Variants in COL9A1 observed in about 807,000 individuals in gnomAD.
The protein encoded by COL9A1 is collagen type IX alpha 1 chain, also known as collagen alpha-1(IX) chain.
COL9A1 carries 104 observed loss-of-function variants against 142.6 expected under a neutral mutation model. The ratio of observed to expected loss-of-function variants is 0.73; its 90% CI spans 0.62 to 0.86. The LOEUF (loss-of-function observed/expected upper bound fraction) is 0.86, where lower values mean the gene tolerates loss of function less well. COL9A1 is among the 40% of genes least tolerant of loss of function. The pLI is 0.00. For missense variants in COL9A1, 1,210 were observed against 1,176.6 expected, an observed-to-expected ratio of 1.03 and a Z score of -0.42; for synonymous variants, 466 against 396.0, an observed-to-expected ratio of 1.18 and a Z score of -2.10.
At chr6:70,293,644 CACACA>C (rs1773737746) in intron 5 of COL9A1, among the ~76,000 whole-genome samples, 1 of 146,094 alleles carries the variant, frequency 6.8e-6, no homozygotes, top group African/African-American at 2.7e-5. Context: ...CACACACACA[CACACA>C]CACACACACA....
At chr6:70,274,834 G>T (rs1583312356) in intron 10 of COL9A1, 62 bp from the exon 11 acceptor site, 2 of 1,344,298 alleles carry the variant, frequency 1.5e-6, no homozygotes, top group East Asian at 4.6e-5. Context: ...CCACTAAGTA[G>T]AAAACTTTCA....
chr6:70,258,057 T>C (rs1409610052), intron 20 of COL9A1, among the ~76,000 whole-genome samples: 1 of 152,214 alleles, frequency 6.6e-6, no homozygotes, highest in Non-Finnish European at 1.5e-5. Flanking sequence ...ATAAATCTAA[T>C]TATCTTGAAA....
chr6:70,287,365 A>G (rs1773497351), intron 5 of COL9A1, among the ~76,000 whole-genome samples: 1 of 152,002 alleles, frequency 6.6e-6, no homozygotes, highest in Non-Finnish European at 1.5e-5. Context: ...TTTGCAAAAG[A>G]TAAGGATGGG....
At chr6:70,266,447 A>G (rs557937793) in intron 18 of COL9A1, among the ~76,000 whole-genome samples, 1 of 152,340 alleles carries the variant, frequency 6.6e-6, no homozygotes, top group East Asian at 1.9e-4. Flanking sequence ...GCTGAGTGTG[A>G]TTGATTTGAA....
At chr6:70,256,858 C>G (rs1214365715) in intron 20 of COL9A1, 37 bp from the exon 21 acceptor site, 1 of 1,598,168 alleles carries the variant, frequency 6.3e-7, no homozygotes, top group Non-Finnish European at 8.6e-7. Context: ...AAACTGAGAT[C>G]AGTCATGTAT....
chr6:70,302,204 C>CTTTTTTTTTTTTTTTTTTT (rs202054376), intron 1 of COL9A1, 130 bp from the exon 2 acceptor site: 1 of 288,316 alleles, frequency 3.5e-6, no homozygotes. Context: ...TTTTTCATTT[C>CTTTTTTTTTTTTTTTTTTT]TTTTTTTTTT....
intron 37 of COL9A1, chr6:70,222,860 C>A (rs1261261369): frequency 6.6e-6 from 1 of 151,812 alleles, no homozygotes; most frequent in African/African-American, 2.4e-5. Flanking sequence ...ATTTTTTTAT[C>A]TAGACGGTTC....
Position 70,283,781 on chromosome 6 carries a change from G to A in COL9A1, c.736C>T (p.Arg246Trp), listed in dbSNP as rs138557524. Residue 246 changes from arginine to tryptophan, a missense_variant, in exon 6 of 38, where the codon CGG becomes TGG. By Grantham distance (101) the Arg-to-Trp change is moderately radical. Coordinates refer to ENST00000357250, the MANE Select transcript of COL9A1 (RefSeq NM_001851.6). ...QWMLIHCDPL[R>W]PRRETCHELP... The stretch of plus-strand genomic sequence containing the variant: ...TCATGGCAAGTTTCTCTCCTGGGCC[G>A]CAGGGGGTCACAATGGATCAGCATC... 19 of 1,611,004 alleles carry A rather than the reference G, an allele frequency of 1.2e-5. No individual in the cohort carries two copies. Among genetic ancestry groups the A allele is most frequent in the African/African-American group, 2.7e-5 (2 of 74,862 alleles).
chr6:70,254,482 C>A lies in COL9A1; in HGVS notation c.1713G>T (p.Gly571=), dbSNP rs1488677568. Residue 571 remains glycine, a synonymous_variant, in exon 25 of 38, where the codon GGG becomes GGT. Transcript: ENST00000357250. The part of the protein sequence containing the change: ...PGPPGDAGLQ[G]LPGVPGIPGA... The stretch of plus-strand genomic sequence containing the variant: ...TAAAGAATCAAATACTTACTGGTAA[C>A]CCCTGCAATCCTGCATCACCAGGAG... The A allele has an allele frequency of 7.4e-6, 12 of 1,613,958 alleles. No individual in the cohort carries two copies. Among genetic ancestry groups the A allele is most frequent in the South Asian group, 1.1e-5 (1 of 91,064 alleles).
intron 4 of COL9A1, among the ~76,000 whole-genome samples, chr6:70,299,454 C>T (rs987765559): frequency 6.6e-6 from 1 of 152,140 alleles, no homozygotes; most frequent in Admixed American, 6.5e-5. Flanking sequence ...CAGGACTCAA[C>T]ACTTACACAC....
intron 32 of COL9A1, among the ~76,000 whole-genome samples, 165 bp from the exon 33 acceptor site, chr6:70,239,451 G>T (rs1326863842): frequency 6.6e-6 from 1 of 152,146 alleles, no homozygotes; most frequent in East Asian, 1.9e-4. Flanking sequence ...TCTAATCTCA[G>T]TTCTACTTAA....
chr6:70,236,516 CT>C (rs1769920062), intron 33 of COL9A1, among the ~76,000 whole-genome samples: 1 of 152,188 alleles, frequency 6.6e-6, no homozygotes, highest in African/African-American at 2.4e-5. Flanking sequence ...AATCCTGCTT[CT>C]TTTTCATATG....
intron 36 of COL9A1, among the ~76,000 whole-genome samples, chr6:70,227,903 A>G (rs1229354737): frequency 6.6e-6 from 1 of 152,110 alleles, no homozygotes; most frequent in Non-Finnish European, 1.5e-5. Flanking sequence ...AATATGATTC[A>G]TTTTTAAAAG....
chr6:70,216,804 T>C lies in COL9A1; in HGVS notation c.*93A>G, dbSNP rs1768534263. The C allele has an allele frequency of 1.6e-6, 2 of 1,280,498 alleles. No individual in the cohort carries two copies. The highest frequency in any genetic ancestry group is 4.8e-5 in the East Asian group (2 of 41,942). The allele number at this position is 1,280,498 out of a possible 1,614,324, so 79.3% of individuals were successfully genotyped here. ...TAATACATTGTAATCATGCTGAAGG[T>C]AATCATCTTTGCCCCAGCTTTGGAT... is the stretch of plus-strand genomic sequence containing the variant. On this transcript the variant is annotated 3_prime_UTR_variant, in exon 38 of 38. Coordinates refer to ENST00000357250, the MANE Select transcript of COL9A1 (RefSeq NM_001851.6).
At chr6:70,236,502 AT>A (rs571898079) in intron 33 of COL9A1, among the ~76,000 whole-genome samples, 46 of 152,352 alleles carry the variant, frequency 3.0e-4, no homozygotes, top group African/African-American at 9.1e-4. Flanking sequence ...TTATAAAGCA[AT>A]TTAATCCTGC....
intron 36 of COL9A1, among the ~76,000 whole-genome samples, chr6:70,228,839 G>A (rs545809493): frequency 2.0e-5 from 3 of 151,860 alleles, no homozygotes; most frequent in African/African-American, 7.3e-5. Context: ...TCATCAATAT[G>A]GCCTTACTAT....
At chr6:70,226,744 G>T (rs1261255744) in intron 36 of COL9A1, among the ~76,000 whole-genome samples, 1 of 152,152 alleles carries the variant, frequency 6.6e-6, no homozygotes, top group South Asian at 2.1e-4. Flanking sequence ...TTCTTAAATA[G>T]AAATGATATC....
intron 33 of COL9A1, among the ~76,000 whole-genome samples, chr6:70,236,831 T>G (rs1769939395): frequency 1.3e-5 from 2 of 152,094 alleles, no homozygotes. Context: ...TTCTTTTTTT[T>G]TTTTTTTGAG....
chr6:70,286,485 A>C (rs550603286), intron 5 of COL9A1, among the ~76,000 whole-genome samples: 1 of 152,370 alleles, frequency 6.6e-6, no homozygotes, highest in East Asian at 1.9e-4. Context: ...ACAAGGTTTG[A>C]TTTCTGCAAA....
Sources: allele counts gnomAD v4.1 joint callset (sites outside exome capture counted in the v4.1 genomes callset), GRCh38; gene constraint gnomAD v4.1.1; transcripts MANE v1.5; gene names NCBI Gene and HGNC (gene_info 2026-07-23, HGNC 2026-07-21).